The following KRI1 variants were observed in gnomAD, a reference collection of about 807,000 sequenced individuals.
The protein encoded by KRI1 is KRI1 homolog, also known as protein KRI1 homolog.
KRI1 carries 83 observed loss-of-function variants against 97.0 expected under a neutral mutation model. The ratio of observed to expected loss-of-function variants is 0.86; its 90% CI spans 0.72 to 1.03. KRI1 has a LOEUF of 1.03. KRI1 is among the 50% of genes least tolerant of loss of function. The pLI is 0.00. For synonymous variants in KRI1, 371 were observed against 363.5 expected (o/e 1.02, Z -0.23); for missense variants, 916 against 928.4 (o/e 0.99, Z 0.17).
rs941739929 is a variant in KRI1, at chr19:10,553,253, C to T, written c.*698G>A. 3 of 742,936 alleles carry T rather than the reference C, an allele frequency of 4.0e-6. No individual in the cohort carries two copies. The African/African-American group carries it at 5.3e-5, about 13-fold the overall frequency. 46.0% of individuals were successfully genotyped at this position (742,936 alleles called of 1,614,324 possible). On this transcript the variant is annotated 3_prime_UTR_variant, in exon 19 of 19. Transcript: ENST00000312962. ...CCACAGAGCCCATACACCTGTCTCC[C>T]ACCAGCGGGGCCCTCCTGGCAGGGT... is the stretch of plus-strand genomic sequence containing the variant.
chr19:10,565,151 G>T, intron 2 of KRI1, 117 bp from the exon 3 acceptor site: 1 of 718,310 alleles, frequency 1.4e-6, no homozygotes. Context: ...TGGCTGGGGA[G>T]GTCAAACAGG....
intron 16 of KRI1, among the ~76,000 whole-genome samples, chr19:10,556,190 A>G (rs1433967605): frequency 6.6e-6 from 1 of 151,968 alleles, no homozygotes; most frequent in Non-Finnish European, 1.5e-5. Flanking sequence ...CTCCTACCTC[A>G]GCCTCCCAAG....
At position 10,558,252 on chromosome 19, in the gene KRI1, G is replaced by A. The variant is rs777854957; in HGVS notation, c.1195-13C>T. The A allele has an allele frequency of 6.2e-7, 1 of 1,613,868 alleles. No individual in the cohort carries two copies. The highest frequency in any genetic ancestry group is 2.2e-5 in the East Asian group (1 of 44,870). On this transcript the variant is annotated splice_polypyrimidine_tract_variant and intron_variant, in intron 12 of 18. Coordinates refer to ENST00000312962, the MANE Select transcript of KRI1 (RefSeq NM_023008.5). ...CCCCAAAGCACTTCTGCAGGGTCAG[G>A]GCTGGCGGTTACCAGAGCCCACTCG...
Position 10,565,931 on chromosome 19 carries a change from G to T in KRI1, c.69C>A (p.Tyr23Ter). The change falls in exon 1 of 19, where the codon TAC becomes TAA. Residue 23 changes from tyrosine (Y) to a stop codon, truncating the protein, a stop_gained. Coordinates refer to ENST00000312962, the MANE Select transcript of KRI1 (RefSeq NM_023008.5). LOFTEE classifies it high-confidence loss of function. ...GCCGCTGCAGTTCCTCGCGCTCCCG[G>T]TAGCGGTTGTACCGCGCGGCAAACG... ...NAAFAARYNRYREREELQRLK... is the reference protein window; with the variant it reads ...NAAFAARYNR 6.5e-7 allele frequency: 1 copy of T among 1,534,190 alleles called. No homozygotes were observed. Among genetic ancestry groups the T allele is most frequent in the Non-Finnish European group, 8.8e-7 (1 of 1,141,358 alleles).
intron 2 of KRI1, 136 bp downstream of exon 2, chr19:10,565,581 G>C: frequency 1.7e-6 from 2 of 1,143,202 alleles, no homozygotes; most frequent in Non-Finnish European, 2.4e-6. Flanking sequence ...TGTCCCTCAT[G>C]GGATGGGGAG....
At chr19:10,558,127 T>TCCCCAATCCCCAGC in intron 13 of KRI1, 37 bp downstream of exon 13, 7 of 1,613,074 alleles carry the variant, frequency 4.3e-6, no homozygotes, top group Non-Finnish European at 5.9e-6. Context: ...CAGTCCCCAG[T>TCCCCAATCCCCAGC]CCCCAATCCC....
In KRI1 at chr19:10,557,873, C is replaced by G. The variant is rs1018060520; in HGVS notation, c.1382G>C (p.Ser461Thr). ...CTCGCGCTTTTTCTTCCTCGGCTGG[C>G]TGGGGTCGTAGTCGGCGTCCATCTG... ...NFNMDADYDP[S>T]QPRKKKREAP... Residue 461 changes from serine to threonine, a missense_variant, in exon 15 of 19, where the codon AGC (serine) becomes ACC (threonine). Around this residue, in one of 3 missense-constraint regions of KRI1, gnomAD observed 672 missense variants for 667.2 expected, o/e 1.01. Transcript: ENST00000312962. The G allele has an allele frequency of 6.2e-7, 1 of 1,613,462 alleles. No individual in the cohort carries two copies. Among genetic ancestry groups the G allele is most frequent in the Non-Finnish European group, 8.5e-7 (1 of 1,179,926 alleles).
chr19:10,557,695 G>C lies in KRI1; in HGVS notation c.1487-13C>G, dbSNP rs1178543732. On this transcript the variant is annotated splice_polypyrimidine_tract_variant and intron_variant, in intron 15 of 18. Coordinates refer to ENST00000312962, the MANE Select transcript of KRI1 (RefSeq NM_023008.5). ...AACGTCTTGTCCCCTGCTCGAGACA[G>C]AGCCAGGCTGCTGGGCTATGCCAGG... 2 of 1,614,154 alleles carry C rather than the reference G, an allele frequency of 1.2e-6. No homozygotes were observed. The highest frequency in any genetic ancestry group is 1.7e-5 in the Admixed American group (1 of 60,026).
chr19:10,553,948 TGCTCAGGA>T lies in KRI1; in HGVS notation c.2107_*2del. 6.3e-7 allele frequency: 1 copy of T among 1,586,310 alleles called. No homozygotes were observed. Among genetic ancestry groups the T allele is most frequent in the Non-Finnish European group, 8.6e-7 (1 of 1,166,354 alleles). On this transcript the variant is annotated stop_lost and 3_prime_UTR_variant, in exon 19 of 19. Coordinates refer to ENST00000312962, the MANE Select transcript of KRI1 (RefSeq NM_023008.5). Reference sequence around the variant, plus strand: ...CCTGAGGCCCCTGCCTGCTCCCTGGTGCTCAGGAGCTGTTCTTGGGCCCCTGTTGTTTC... The same window carrying T: ...CCTGAGGCCCCTGCCTGCTCCCTGGTGCTGTTCTTGGGCCCCTGTTGTTTC...
At chr19:10,561,387 T>A (rs1916692708) in intron 6 of KRI1, 122 bp from the exon 7 acceptor site, 1 of 924,722 alleles carries the variant, frequency 1.1e-6, no homozygotes, top group Non-Finnish European at 1.7e-6. Flanking sequence ...CTTGAACTCC[T>A]GGGCTCAAGT....
rs371223448 is a variant in KRI1 at position 10,559,629 on chromosome 19, C to T, written c.1007G>A (p.Arg336Gln). The T allele has an allele frequency of 3.5e-5, 56 of 1,614,050 alleles. No individual in the cohort carries two copies. The highest frequency in any genetic ancestry group is 4.5e-5 in the Non-Finnish European group (53 of 1,180,026). ...CACACTCACCCTCTTCTTTCGCTCCCGAGTCTCTTCCCTCTTCTCCTTTCT... is the reference window on the plus strand; with the variant it reads ...CACACTCACCCTCTTCTTTCGCTCCTGAGTCTCTTCCCTCTTCTCCTTTCT... ...ERRKEKREETRERKKREKAKK... is the reference protein window; with the variant it reads ...ERRKEKREETQERKKREKAKK... Residue 336 changes from arginine (R) to glutamine (Q), a missense_variant, in exon 11 of 19, where the codon CGG (arginine) becomes CAG (glutamine). By Grantham distance (43) the Arg-to-Gln change is conservative. Transcript: ENST00000312962.
At position 10,560,321 on chromosome 19, in the gene KRI1, T is replaced by C; in HGVS notation, c.791A>G (p.Glu264Gly). Residue 264 changes from glutamate to glycine, a missense_variant, in exon 9 of 19, where the codon GAA becomes GGA. By Grantham distance (98) the Glu-to-Gly change is moderately conservative (BLOSUM62 -2). Transcript: ENST00000312962. ...EEEEDEEEME[E>G]EEGVHGPPVQ... ...AGATGCAGTGGCTCACCCCTCCTCTTCCTCCATTTCCTCTTCATCTTCCTC... is the reference window on the plus strand; with the variant it reads ...AGATGCAGTGGCTCACCCCTCCTCTCCCTCCATTTCCTCTTCATCTTCCTC... The C allele has an allele frequency of 1.9e-6, 3 of 1,608,624 alleles. No individual in the cohort carries two copies. Among genetic ancestry groups the C allele is most frequent in the Non-Finnish European group, 2.5e-6 (3 of 1,177,580 alleles).
At position 10,564,934 on chromosome 19, in the gene KRI1, C is replaced by A. The variant is rs11545167; in HGVS notation, c.269G>T (p.Arg90Ile). 6.2e-7 allele frequency: 1 copy of A among 1,605,698 alleles called. No individual in the cohort carries two copies. The highest frequency in any genetic ancestry group is 2.2e-5 in the East Asian group (1 of 44,848). The part of the protein sequence containing the change: ...IYQKDATFYN[R>I]TASSSDSEED... ...AGACAGGAGTGGCCCCGGACCTGTT[C>A]TGTTATAGAAGGTGGCATCTTTCTG... Residue 90 changes from arginine (R) to isoleucine (I), a missense_variant, in exon 3 of 19, where the codon AGA (arginine) becomes ATA (isoleucine). Around this residue, in one of 3 missense-constraint regions of KRI1, gnomAD observed 173 missense variants for 153.1 expected, o/e 1.13. Transcript: ENST00000312962.
rs751924709 is a variant in KRI1 at position 10,559,312 on chromosome 19, T to G, written c.1194+47A>C. The stretch of plus-strand genomic sequence containing the variant: ...GAGCCACCGTGGCCAGTGAGAGCCA[T>G]GTTTGTGTGAACTCAGCGTCATGTT... On this transcript the variant is annotated intron_variant, in intron 12 of 18. Transcript: ENST00000312962. The G allele has an allele frequency of 5.7e-6, 9 of 1,589,912 alleles. No homozygotes were observed. In the Admixed American group the frequency reaches 1.5e-4, roughly 27 times the overall value.
chr19:10,565,851 A>G (rs1916857051), intron 1 of KRI1, 55 bp downstream of exon 1: 1 of 1,524,260 alleles, frequency 6.6e-7, no homozygotes, highest in Non-Finnish European at 8.8e-7. Context: ...TCGACTCCCC[A>G]CTTCCCAACC....
chr19:10,565,390 G>A (rs778172438), intron 2 of KRI1: 6 of 507,686 alleles, frequency 1.2e-5, no homozygotes, highest in East Asian at 3.5e-5. Flanking sequence ...GAGAAGTTGG[G>A]CGCCCCACGT....
intron 16 of KRI1, 30 bp downstream of exon 16, chr19:10,557,522 G>A (rs1293216443): frequency 1.2e-6 from 2 of 1,606,206 alleles, no homozygotes; most frequent in Admixed American, 3.3e-5. Context: ...GGTGCCCCCT[G>A]CAGTGTCCCT....
intron 16 of KRI1, among the ~76,000 whole-genome samples, chr19:10,556,496 A>C (rs999045594): frequency 2.6e-5 from 4 of 152,036 alleles, no homozygotes; most frequent in South Asian, 2.1e-4. Context: ...GGTAAAACTT[A>C]TCTCTACTAA....
Position 10,559,487 on chromosome 19 carries a change from G to A in KRI1, c.1066C>T (p.Leu356=). ...TTGGCCAGAATCTCCTTCCTCTTCA[G>A]GTTCTTCAGCTGCTTGAGCTCTTCC... is the stretch of plus-strand genomic sequence containing the variant. ...KQEELKQLKN[L]KRKEILAKLE... The change falls in exon 12 of 19, where the codon CTG becomes TTG. Residue 356 remains leucine (L), a synonymous_variant. Coordinates refer to ENST00000312962, the MANE Select transcript of KRI1 (RefSeq NM_023008.5). 10 of 1,614,006 alleles carry A rather than the reference G, an allele frequency of 6.2e-6. No homozygotes were observed. Among genetic ancestry groups the A allele is most frequent in the Non-Finnish European group, 5.1e-6 (6 of 1,180,010 alleles).
Sources: allele counts gnomAD v4.1 joint callset (sites outside exome capture counted in the v4.1 genomes callset), GRCh38; gene constraint gnomAD v4.1.1; regional missense constraint gnomAD v4.1.1; transcripts MANE v1.5; gene names NCBI Gene and HGNC (gene_info 2026-07-23, HGNC 2026-07-21).